CREBRF: variants seen among roughly 807,000 people sequenced by gnomAD.
The protein encoded by CREBRF is CREB3 regulatory factor, also known as UPF0474 protein C5orf41.
CREBRF carries 5 observed loss-of-function variants against 66.1 expected under a neutral mutation model. The ratio of observed to expected loss-of-function variants is 0.08; its 90% CI spans 0.04 to 0.16. CREBRF has a LOEUF of 0.16. Among genes scored for constraint, CREBRF ranks in the 10% least tolerant of loss-of-function variants. The pLI is 1.00. For missense variants in CREBRF, 531 were observed against 744.9 expected (o/e 0.71, Z 3.34); for synonymous variants, 229 against 264.4 (o/e 0.87, Z 1.30).
chr5:173,109,395 G>A (rs949169380), intron 5 of CREBRF: 5 of 152,216 alleles, frequency 3.3e-5, no homozygotes, highest in African/African-American at 9.7e-5. Flanking sequence ...AGGATCACTT[G>A]AGTCCAGGAG....
chr5:173,062,175 C>T (rs1011056457), intron 1 of CREBRF, among the ~76,000 whole-genome samples: 4 of 152,114 alleles, frequency 2.6e-5, no homozygotes, highest in African/African-American at 7.2e-5. Flanking sequence ...GCTAATATTT[C>T]GGTCTGCTTG....
intron 7 of CREBRF, among the ~76,000 whole-genome samples, chr5:173,119,335 T>G (rs914902049): frequency 9.9e-5 from 15 of 152,192 alleles, no homozygotes; most frequent in African/African-American, 3.6e-4. Flanking sequence ...TAGCTAAGTC[T>G]TCTTTAGTTT....
At chr5:173,074,201 T>C (rs1260455889) in intron 1 of CREBRF, among the ~76,000 whole-genome samples, 1 of 150,606 alleles carries the variant, frequency 6.6e-6, no homozygotes, top group African/African-American at 2.5e-5. Context: ...CTTGGGAGGC[T>C]GAGGCAGGAG....
intron 8 of CREBRF, chr5:173,124,006 C>A (rs959271284): frequency 6.6e-6 from 1 of 152,028 alleles, no homozygotes; most frequent in Admixed American, 6.5e-5. Flanking sequence ...GCATTTCTTT[C>A]TTTTCTTTCC....
In CREBRF at chr5:173,136,828, T is replaced by C. The variant is rs1462522224; in HGVS notation, c.*3083T>C. 1 of 152,446 alleles carries C rather than the reference T, an allele frequency of 6.6e-6. No homozygotes were observed. The highest frequency in any genetic ancestry group is 2.4e-5 in the African/African-American group (1 of 41,438). The allele number at this position is 152,446 out of a possible 1,614,324, so 9.4% of individuals were successfully genotyped here. The stretch of plus-strand genomic sequence containing the variant: ...GTTCTCTAAAGGTTTTCTGTGTTCA[T>C]ACATGGTATACAGATAGCTCATAAT... On this transcript the variant is annotated 3_prime_UTR_variant, in exon 9 of 9. Transcript: ENST00000296953.
intron 1 of CREBRF, among the ~76,000 whole-genome samples, chr5:173,073,430 A>T (rs919260149): frequency 3.3e-5 from 5 of 152,356 alleles, no homozygotes; most frequent in African/African-American, 1.2e-4. Flanking sequence ...ATCTGTAAAC[A>T]GCTACACAGA....
intron 1 of CREBRF, among the ~76,000 whole-genome samples, chr5:173,062,223 C>T (rs1218326430): frequency 6.6e-6 from 1 of 152,138 alleles, no homozygotes. Flanking sequence ...TTTCTCCTGG[C>T]TTATTTGTCT....
chr5:173,116,541 G>C (rs896947686), intron 7 of CREBRF, among the ~76,000 whole-genome samples: 6 of 152,146 alleles, frequency 3.9e-5, no homozygotes, highest in Non-Finnish European at 8.8e-5. Flanking sequence ...ATTCCTCCAT[G>C]TTGTTACCTG....
intron 1 of CREBRF, among the ~76,000 whole-genome samples, chr5:173,073,807 G>A (rs1757665555): frequency 6.6e-6 from 1 of 151,716 alleles, no homozygotes; most frequent in East Asian, 2.0e-4. Context: ...CTCTACTAAA[G>A]ATACAAAAAA....
Position 173,091,110 on chromosome 5 carries a change from C to A in CREBRF, c.931C>A (p.Leu311Ile). ...CCTGCCCCAGGAAGGTCCTGGGTCA[C>A]TTGCAGCAGGAGAGAGCAGCAGTCT... ...SPLPQEGPGSLAAGESSSLSA... is the reference protein window; with the variant it reads ...SPLPQEGPGSIAAGESSSLSA... Residue 311 changes from leucine (L) to isoleucine (I), a missense_variant, in exon 4 of 9, where the codon CTT becomes ATT. Transcript: ENST00000296953. 6.2e-7 allele frequency: 1 copy of A among 1,614,246 alleles called. No homozygotes were observed. The highest frequency in any genetic ancestry group is 8.5e-7 in the Non-Finnish European group (1 of 1,180,048).
Position 173,098,144 on chromosome 5 carries a change from T to G in CREBRF, c.1222+6743T>G, listed in dbSNP as rs145337901. ...TTTGACCCATTGGTTGTTCAGGAGT[T>G]TGTTGTTTAATTTCTACCTATTTGT... On this transcript the variant is annotated intron_variant, in intron 4 of 8. Transcript: ENST00000296953. 2.9e-3 allele frequency among the ~76,000 whole-genome samples: 435 copies of G among 152,202 alleles called. 1 individual carries two copies. Among genetic ancestry groups the G allele is most frequent in the African/African-American group, 9.6e-3 (401 of 41,566 alleles).
intron 4 of CREBRF, among the ~76,000 whole-genome samples, chr5:173,098,848 C>G (rs1365907732): frequency 1.4e-5 from 2 of 148,024 alleles, no homozygotes; most frequent in East Asian, 3.9e-4. Context: ...TAAAGACCTT[C>G]TTTGTCTTGT....
chr5:173,124,896 CCTT>C (rs1273353489), intron 8 of CREBRF, among the ~76,000 whole-genome samples: 2 of 147,724 alleles, frequency 1.4e-5, no homozygotes, highest in Admixed American at 6.8e-5. Flanking sequence ...CTTCTTTCTT[CCTT>C]CTTCTTCTTT....
chr5:173,093,590 C>T (rs976815145), intron 4 of CREBRF, among the ~76,000 whole-genome samples: 2 of 152,166 alleles, frequency 1.3e-5, no homozygotes, highest in Non-Finnish European at 2.9e-5. Flanking sequence ...AATCTTGGCT[C>T]ACTGCAACCT....
At chr5:173,126,696 C>T (rs184506002) in intron 8 of CREBRF, among the ~76,000 whole-genome samples, 24 of 152,306 alleles carry the variant, frequency 1.6e-4, no homozygotes, top group African/African-American at 5.5e-4. Context: ...ATGTCCATTA[C>T]TTCCTTTTGG....
At chr5:173,061,875 T>A (rs1331708382) in intron 1 of CREBRF, among the ~76,000 whole-genome samples, 1 of 152,312 alleles carries the variant, frequency 6.6e-6, no homozygotes, top group Non-Finnish European at 1.5e-5. Context: ...TTTTGATAAC[T>A]TTTGCTTTAT....
intron 1 of CREBRF, among the ~76,000 whole-genome samples, 171 bp downstream of exon 1, chr5:173,056,650 G>T (rs1473329914): frequency 1.3e-5 from 2 of 152,014 alleles, no homozygotes; most frequent in Non-Finnish European, 2.9e-5. Context: ...CGCGGGCCTT[G>T]GGCCACCGCC....
intron 8 of CREBRF, among the ~76,000 whole-genome samples, chr5:173,125,139 C>G (rs936932777): frequency 6.6e-6 from 1 of 151,920 alleles, no homozygotes; most frequent in African/African-American, 2.4e-5. Context: ...AGGCTGGTCT[C>G]GAACTCCTGA....
chr5:173,081,091 T>G (rs1176407149), intron 2 of CREBRF, among the ~76,000 whole-genome samples: 1 of 152,174 alleles, frequency 6.6e-6, no homozygotes, highest in Admixed American at 6.6e-5. Flanking sequence ...AGCAATCCCG[T>G]TTCTATCTCC....
Sources: allele counts gnomAD v4.1 joint callset (sites outside exome capture counted in the v4.1 genomes callset), GRCh38; gene constraint gnomAD v4.1.1; transcripts MANE v1.5; gene names NCBI Gene and HGNC (gene_info 2026-07-23, HGNC 2026-07-21).